LSG1: variants seen among roughly 807,000 people sequenced by gnomAD.
LSG1 encodes the protein large 60S subunit nuclear export GTPase 1.
Under a neutral mutation model 82.6 loss-of-function variants are expected in LSG1, and 55 were observed. The ratio of observed to expected loss-of-function variants is 0.67; its 90% CI spans 0.54 to 0.83. The LOEUF (loss-of-function observed/expected upper bound fraction) is 0.83. LSG1 is among the 40% of genes least tolerant of loss of function. The pLI, the probability that LSG1 is intolerant of heterozygous loss-of-function variation, is 0.00. For synonymous variants in LSG1, 272 were observed against 282.5 expected (o/e 0.96, Z 0.37); for missense variants, 809 against 807.9 (o/e 1.00, Z -0.02).
chr3:194,650,179 A>G (rs1275756397), intron 10 of LSG1, among the ~76,000 whole-genome samples: 6 of 152,318 alleles, frequency 3.9e-5, no homozygotes, highest in African/African-American at 1.2e-4. Context: ...ACAGCCTCCC[A>G]AAGTGTTGGG....
intron 5 of LSG1, among the ~76,000 whole-genome samples, chr3:194,664,473 T>C (rs1455042200): frequency 1.3e-5 from 2 of 152,182 alleles, no homozygotes; most frequent in Non-Finnish European, 2.9e-5. Flanking sequence ...AGAAACCTTT[T>C]AACTATACCA....
intron 10 of LSG1, 40 bp from the exon 11 acceptor site, chr3:194,648,844 T>TC (rs1560221372): frequency 1.1e-5 from 17 of 1,611,442 alleles, no homozygotes; most frequent in Non-Finnish European, 1.3e-5. Context: ...ACGGACTCCC[T>TC]CCTCCCCATG....
At chr3:194,649,677 G>A (rs1390227876) in intron 10 of LSG1, among the ~76,000 whole-genome samples, 5 of 151,744 alleles carry the variant, frequency 3.3e-5, no homozygotes, top group Admixed American at 1.3e-4. Flanking sequence ...GTGACAGAGC[G>A]AGACTCCATC....
In LSG1 at chr3:194,670,572, A is replaced by T. The variant is rs962300193; in HGVS notation, c.100-437T>A. On this transcript the variant is annotated intron_variant, in intron 1 of 13. Coordinates refer to ENST00000265245, the MANE Select transcript of LSG1 (RefSeq NM_018385.3). Reference sequence around the variant, plus strand: ...AAGGTGTATGTACATATAATGATACAAGCATTCAAGTACCGTTCAGTACAG... The same window carrying T: ...AAGGTGTATGTACATATAATGATACTAGCATTCAAGTACCGTTCAGTACAG... Among the ~76,000 whole-genome samples the T allele has an allele frequency of 2.0e-5, 3 of 152,228 alleles. 1 individual carries two copies. The highest frequency in any genetic ancestry group is 4.4e-5 in the Non-Finnish European group (3 of 68,032).
chr3:194,655,454 T>C (rs1016223568), intron 7 of LSG1, among the ~76,000 whole-genome samples: 8 of 152,106 alleles, frequency 5.3e-5, no homozygotes, highest in Admixed American at 2.0e-4. Context: ...CTGGAAACAA[T>C]AGAAATAATG....
intron 7 of LSG1, among the ~76,000 whole-genome samples, chr3:194,655,383 A>G (rs1362353648): frequency 1.3e-5 from 2 of 152,214 alleles, no homozygotes; most frequent in South Asian, 4.1e-4. Context: ...ATCAGGGCAG[A>G]GCAATATAAT....
In LSG1 at chr3:194,642,098, A is replaced by C. The variant is rs763467720; in HGVS notation, c.1947T>G (p.Ser649Arg). The C allele has an allele frequency of 5.0e-6, 8 of 1,612,972 alleles. No individual in the cohort carries two copies. In the Middle Eastern group the frequency reaches 7.7e-4, roughly 155 times the overall value. Residue 649 changes from serine to arginine, a missense_variant, in exon 14 of 14, where the codon AGT (serine) becomes AGG (arginine). Ser to Arg is a moderately radical substitution (Grantham distance 110). Transcript: ENST00000265245. ...TATCCAGGTGCTTGTAGAGTCTACG[A>C]CTTTTTTCTTTTTTATTTCTGTTGC... is the stretch of plus-strand genomic sequence containing the variant. Reference protein sequence around the residue: ...KHGNRNKKEKSRRLYKHLDM With the variant: ...KHGNRNKKEKRRRLYKHLDM
chr3:194,645,881 A>C (rs991333929), intron 12 of LSG1, among the ~76,000 whole-genome samples: 1 of 152,228 alleles, frequency 6.6e-6, no homozygotes, highest in Non-Finnish European at 1.5e-5. Context: ...ACTACAAAGA[A>C]GACTGTGACA....
At chr3:194,668,575 C>T (rs1166292306) in intron 2 of LSG1, among the ~76,000 whole-genome samples, 1 of 152,152 alleles carries the variant, frequency 6.6e-6, no homozygotes, top group African/African-American at 2.4e-5. Flanking sequence ...ACTCTAGCTC[C>T]TTAAGTGTTC....
At chr3:194,646,304 T>A (rs895499525) in intron 11 of LSG1, 61 bp from the exon 12 acceptor site, 15 of 1,271,380 alleles carry the variant, frequency 1.2e-5, no homozygotes, top group Non-Finnish European at 1.6e-5. Flanking sequence ...CAAAGACAAC[T>A]GAGGTGATGT....
intron 2 of LSG1, among the ~76,000 whole-genome samples, chr3:194,667,923 C>CAAAAAAAAAAAAAAAAAAA (rs1170566137): frequency 1.6e-4 from 2 of 12,842 alleles, no homozygotes; most frequent in African/African-American, 3.9e-4. Flanking sequence ...GACTCCGTCT[C>CAAAAAAAAAAAAAAAAAAA]AAAAAAAAAA....
At chr3:194,653,529 A>T (rs1185696106) in intron 7 of LSG1, among the ~76,000 whole-genome samples, 3 of 151,470 alleles carry the variant, frequency 2.0e-5, no homozygotes, top group Non-Finnish European at 4.4e-5. Context: ...AAAAAAAAAA[A>T]GATGAACAGG....
In LSG1 at chr3:194,648,899, G is replaced by A. The variant is rs111702739; in HGVS notation, c.1420-95C>T. 3.3e-4 allele frequency: 404 copies of A among 1,225,420 alleles called. No homozygotes were observed. The African/African-American group carries it at 5.4e-3, about 16-fold the overall frequency. 75.9% of individuals were successfully genotyped at this position (1,225,420 alleles called of 1,614,324 possible). A position where few individuals can be genotyped will look rare whatever the true frequency, so the allele number is the denominator to read the frequency against. On this transcript the variant is annotated intron_variant, in intron 10 of 13. Transcript: ENST00000265245. Reference sequence around the variant, plus strand: ...AAGAACATGGCACTTCATTCCGCGTGTGACAAACACTCTCTCCTCTCCAAA... The same window carrying A: ...AAGAACATGGCACTTCATTCCGCGTATGACAAACACTCTCTCCTCTCCAAA...
chr3:194,649,003 C>T, intron 10 of LSG1, 199 bp from the exon 11 acceptor site: 1 of 486,862 alleles, frequency 2.1e-6, no homozygotes. Context: ...GCTCCCACGA[C>T]TTTTCCATAT....
At chr3:194,669,089 AG>A (rs1719089362) in intron 2 of LSG1, among the ~76,000 whole-genome samples, 1 of 152,234 alleles carries the variant, frequency 6.6e-6, no homozygotes, top group African/African-American at 2.4e-5. Context: ...TTACTGAGGC[AG>A]GATGAATAAG....
chr3:194,644,411 T>G (rs571171692), intron 13 of LSG1, among the ~76,000 whole-genome samples, 162 bp downstream of exon 13: 1 of 145,792 alleles, frequency 6.9e-6, no homozygotes, highest in African/African-American at 2.5e-5. Flanking sequence ...AATAAATAAA[T>G]AAATAAATAA....
At chr3:194,653,188 CA>C (rs1282986202) in intron 7 of LSG1, 46 bp from the exon 8 acceptor site, 2 of 1,552,456 alleles carry the variant, frequency 1.3e-6, no homozygotes, top group Admixed American at 1.8e-5. Flanking sequence ...CTGCAGTTTC[CA>C]CTCTAGTAAA....
intron 2 of LSG1, 22 bp downstream of exon 2, chr3:194,669,987 C>T: frequency 6.2e-7 from 1 of 1,611,884 alleles, no homozygotes; most frequent in Non-Finnish European, 8.5e-7. Context: ...GTCTCACCTG[C>T]ACTCAGCAAT....
chr3:194,641,126 C>T lies in LSG1; in HGVS notation c.*942G>A, dbSNP rs1718366243. 1 of 152,184 alleles carries T rather than the reference C, an allele frequency of 6.6e-6. No homozygotes were observed. The highest frequency in any genetic ancestry group is 2.4e-5 in the African/African-American group (1 of 41,434). 9.4% of individuals were successfully genotyped at this position (152,184 alleles called of 1,614,324 possible). On this transcript the variant is annotated 3_prime_UTR_variant, in exon 14 of 14. Transcript: ENST00000265245. ...ACTCGGTGAGGACACAGATCCAAAC[C>T]ACATCAACAGTGCTTTCATGCTTTT...
Sources: gnomAD v4.1 joint callset for allele counts (sites outside exome capture counted in the v4.1 genomes callset) on GRCh38, gnomAD v4.1.1 for gene constraint, MANE v1.5 for transcripts, NCBI Gene and HGNC (gene_info 2026-07-23, HGNC 2026-07-21) for gene names.